Variants in GALNTL5 observed in about 807,000 individuals in gnomAD.
GALNTL5 encodes the protein inactive polypeptide N-acetylgalactosaminyltransferase-like protein 5.
Under a neutral mutation model 51.0 loss-of-function variants are expected in GALNTL5, and 44 were observed. That is an observed-to-expected ratio of 0.86 (90% CI 0.68 to 1.11). The LOEUF is 1.11. Ranked by LOEUF, GALNTL5 falls within the 50% of genes least tolerant of loss-of-function variation. The probability of loss-of-function intolerance (pLI) is 0.00; values close to 1 mark genes in which losing one functional copy is unlikely to be tolerated. For synonymous variants in GALNTL5, 192 were observed against 182.8 expected, an observed-to-expected ratio of 1.05 and a Z score of -0.41; for missense variants, 528 against 531.8, an observed-to-expected ratio of 0.99 and a Z score of 0.07.
At chr7:151,981,681 C>CTTTT (rs760011757) in intron 3 of GALNTL5, among the ~76,000 whole-genome samples, 1 of 65,454 alleles carries the variant, frequency 1.5e-5, no homozygotes, top group Non-Finnish European at 3.0e-5. Context: ...TTCTTTCTTT[C>CTTTT]TTTTTTTTTT....
chr7:151,981,677 CTTTCTT>C (rs2081293261), intron 3 of GALNTL5, among the ~76,000 whole-genome samples: 1 of 112,972 alleles, frequency 8.9e-6, no homozygotes, highest in Non-Finnish European at 1.8e-5. Flanking sequence ...CCTCTTCTTT[CTTTCTT>C]TTTTTTTTTT....
chr7:152,007,943 G>A lies in GALNTL5; in HGVS notation c.1025G>A (p.Arg342Lys). Residue 342 changes from arginine to lysine, a missense_variant and splice_region_variant, in exon 7 of 9, where the codon AGG becomes AAG. Physicochemically the swap from Arg to Lys is conservative, Grantham distance 26. Transcript: ENST00000392800. ...WGRENLELSL[R>K]IWMCGGQLFI... The stretch of plus-strand genomic sequence containing the variant: ...AGAGAAAATTTGGAACTTTCACTAA[G>A]GGTAATTCAGATTTCATTTTTAAAA... The A allele has an allele frequency of 6.9e-7, 1 of 1,442,774 alleles. No individual in the cohort carries two copies. Among genetic ancestry groups the A allele is most frequent in the East Asian group, 2.3e-5 (1 of 44,022 alleles). The allele number at this position is 1,442,774 out of a possible 1,614,324, so 89.4% of individuals were successfully genotyped here.
intron 2 of GALNTL5, among the ~76,000 whole-genome samples, chr7:151,969,464 C>T (rs1317337098): frequency 6.6e-6 from 1 of 152,172 alleles, no homozygotes; most frequent in Non-Finnish European, 1.5e-5. Context: ...CAAAGTGAGA[C>T]TTTTAATGGC....
chr7:152,003,693 T>C (rs2081610299), intron 6 of GALNTL5, among the ~76,000 whole-genome samples: 1 of 152,196 alleles, frequency 6.6e-6, no homozygotes, highest in Non-Finnish European at 1.5e-5. Flanking sequence ...AAATCTCAAC[T>C]TAATAAAAAT....
At chr7:151,963,956 T>TG (rs2081025428) in intron 1 of GALNTL5, among the ~76,000 whole-genome samples, 1 of 152,178 alleles carries the variant, frequency 6.6e-6, no homozygotes, top group African/African-American at 2.4e-5. Flanking sequence ...TTGGCAGCTG[T>TG]AGGAGTCAGC....
intron 8 of GALNTL5, among the ~76,000 whole-genome samples, chr7:152,019,269 C>T (rs994902541): frequency 6.6e-6 from 1 of 152,162 alleles, no homozygotes; most frequent in African/African-American, 2.4e-5. Flanking sequence ...CTACATCATC[C>T]CCCATTTCTG....
intron 3 of GALNTL5, among the ~76,000 whole-genome samples, chr7:151,980,648 G>A (rs2081266945): frequency 6.6e-6 from 1 of 151,826 alleles, no homozygotes; most frequent in African/African-American, 2.4e-5. Flanking sequence ...TACCCTGAGG[G>A]GACTGTCCAG....
chr7:152,010,202 T>C (rs911301670), intron 7 of GALNTL5, among the ~76,000 whole-genome samples: 16 of 151,954 alleles, frequency 1.1e-4, no homozygotes, highest in African/African-American at 3.9e-4. Context: ...AATCTCCGCC[T>C]CCCAGGTTCA....
chr7:152,002,893 C>G lies in GALNTL5; in HGVS notation c.838C>G (p.Leu280Val). The G allele has an allele frequency of 6.2e-7, 1 of 1,613,830 alleles. No homozygotes were observed. The highest frequency in any genetic ancestry group is 2.2e-5 in the East Asian group (1 of 44,882). The change falls in exon 6 of 9, where the codon CTA becomes GTA. Residue 280 changes from leucine to valine, a missense_variant. Leu to Val is a conservative substitution (Grantham distance 32). Coordinates refer to ENST00000392800, the MANE Select transcript of GALNTL5 (RefSeq NM_145292.4). ...TGTAAGGGGAACTTTTGATTGGAAC[C>G]TACAATTTAAATGGGATAATGTTTT... ...PLVRGTFDWN[L>V]QFKWDNVFSY...
intron 5 of GALNTL5, among the ~76,000 whole-genome samples, chr7:152,001,053 C>A (rs2081571922): frequency 6.7e-6 from 1 of 149,110 alleles, no homozygotes; most frequent in Non-Finnish European, 1.5e-5. Flanking sequence ...TTACAGGCAC[C>A]CACCACCACA....
intron 1 of GALNTL5, among the ~76,000 whole-genome samples, chr7:151,963,667 G>C (rs2081021172): frequency 6.6e-6 from 1 of 152,106 alleles, no homozygotes. Flanking sequence ...GGAAGTGCTG[G>C]GATTACAGGC....
chr7:151,962,669 C>A (rs1358547418), intron 1 of GALNTL5, among the ~76,000 whole-genome samples: 3 of 151,762 alleles, frequency 2.0e-5, no homozygotes, highest in African/African-American at 7.3e-5. Context: ...AGTGCAGTGG[C>A]ATGATCTCAG....
chr7:151,971,578 G>A (rs1040369889), intron 3 of GALNTL5, among the ~76,000 whole-genome samples: 4 of 152,048 alleles, frequency 2.6e-5, no homozygotes, highest in Non-Finnish European at 5.9e-5. Flanking sequence ...TTCACATTGT[G>A]CAGCCATCGA....
At chr7:151,995,426 C>T (rs1276646210) in intron 5 of GALNTL5, 1 of 114,182 alleles carries the variant, frequency 8.8e-6, no homozygotes, top group East Asian at 2.9e-4. Context: ...TGGAGGCAAA[C>T]ATGGGTGATG....
rs1563023788 is a variant in GALNTL5 at position 152,007,228 on chromosome 7, GTCATCC to G, written c.909-594_909-589del. On this transcript the variant is annotated intron_variant, in intron 6 of 8. Coordinates refer to ENST00000392800, the MANE Select transcript of GALNTL5 (RefSeq NM_145292.4). ...CTGAGCCCTGCTACCCAGTTCAATT[GTCATCC>G]TCATGGGAAACTTACATTCCAAATA... Among the ~76,000 whole-genome samples the G allele has an allele frequency of 2.0e-5, 3 of 152,190 alleles. No homozygotes were observed. The East Asian group carries it at 5.8e-4, about 29-fold the overall frequency.
At chr7:151,995,347 A>ATTTTTTTTTTTTTTTTT (rs1563017632) in intron 5 of GALNTL5, 1 of 90,980 alleles carries the variant, frequency 1.1e-5, no homozygotes, top group Non-Finnish European at 2.2e-5. Flanking sequence ...AGTTGGTATG[A>ATTTTTTTTTTTTTTTTT]ATTTTTTTTT....
chr7:151,978,716 A>G (rs1156546102), intron 3 of GALNTL5, among the ~76,000 whole-genome samples: 1 of 152,196 alleles, frequency 6.6e-6, no homozygotes, highest in Non-Finnish European at 1.5e-5. Context: ...TAAAGAAATT[A>G]GGCTCTGTTC....
chr7:151,976,839 T>C (rs1031977068), intron 3 of GALNTL5, among the ~76,000 whole-genome samples: 16 of 152,090 alleles, frequency 1.1e-4, no homozygotes, highest in Non-Finnish European at 1.5e-4. Flanking sequence ...GGTTAATTTT[T>C]GTATTTTTAG....
intron 8 of GALNTL5, among the ~76,000 whole-genome samples, chr7:152,015,652 C>T (rs1213710126): frequency 6.6e-6 from 1 of 152,144 alleles, no homozygotes; most frequent in East Asian, 1.9e-4. Flanking sequence ...AGCCACCGTA[C>T]CCGGCCCATG....
Sources: gnomAD v4.1 joint callset for allele counts (sites outside exome capture counted in the v4.1 genomes callset) on GRCh38, gnomAD v4.1.1 for gene constraint, MANE v1.5 for transcripts, NCBI Gene and HGNC (gene_info 2026-07-23, HGNC 2026-07-21) for gene names.